Variants in PRTG observed in about 807,000 individuals in gnomAD.
PRTG encodes immunoglobulin superfamily, DCC subclass, member 5.
A neutral mutation model predicts 122.5 loss-of-function variants in PRTG; 67 were observed. That is an observed-to-expected ratio of 0.55 (90% confidence interval 0.45 to 0.67). PRTG has a LOEUF of 0.67. Ranked by LOEUF, PRTG falls within the 30% of genes least tolerant of loss-of-function variation. The pLI, the probability that PRTG is intolerant of heterozygous loss-of-function variation, is 0.00. For synonymous variants in PRTG, 554 were observed against 501.1 expected, an observed-to-expected ratio of 1.11 and a Z score of -1.41; for missense variants, 1,435 against 1,415.4, an observed-to-expected ratio of 1.01 and a Z score of -0.22.
chr15:55,738,302 T>C (rs1208614330), intron 2 of PRTG: 9 of 418,814 alleles, frequency 2.1e-5, no homozygotes, highest in African/African-American at 1.6e-4. Context: ...GTTCTGACAT[T>C]TTGTTTGTTA....
Position 55,680,035 on chromosome 15 carries a change from C to T in PRTG, c.973+19G>A. 1.3e-6 allele frequency: 2 copies of T among 1,595,606 alleles called. No individual in the cohort carries two copies. Among genetic ancestry groups the T allele is most frequent in the Middle Eastern group, 1.7e-4 (1 of 5,980 alleles). ...TTAAAATGTAAGATTCCCCTGATTG[C>T]AGAATGAAAGGAACATACCTAATAC... is the stretch of plus-strand genomic sequence containing the variant. On this transcript the variant is annotated intron_variant, in intron 6 of 19. Coordinates refer to ENST00000389286, the MANE Select transcript of PRTG (RefSeq NM_173814.6).
Position 55,627,067 on chromosome 15 carries a change from G to A in PRTG, c.2868C>T (p.Gly956=). 1 of 1,611,682 alleles carries A rather than the reference G, an allele frequency of 6.2e-7. No homozygotes were observed. ...AGATGAGGATGCAGGTCAAGGCTATGCCAACACCTACAGCAATGCCAGTCA... is the reference window on the plus strand; with the variant it reads ...AGATGAGGATGCAGGTCAAGGCTATACCAACACCTACAGCAATGCCAGTCA... ...KSMTGIAVGV[G]IALTCILICV... Residue 956 remains glycine (G), a synonymous_variant, in exon 17 of 20, where the codon GGC becomes GGT. Coordinates refer to ENST00000389286, the MANE Select transcript of PRTG (RefSeq NM_173814.6).
At chr15:55,678,384 G>C (rs995203596) in intron 7 of PRTG, among the ~76,000 whole-genome samples, 4 of 151,954 alleles carry the variant, frequency 2.6e-5, no homozygotes, top group Non-Finnish European at 5.9e-5. Context: ...TGAGTAGCCG[G>C]GACTCCAGGC....
chr15:55,735,914 A>C (rs1250950639), intron 2 of PRTG, among the ~76,000 whole-genome samples: 7 of 152,146 alleles, frequency 4.6e-5, no homozygotes, highest in Non-Finnish European at 8.8e-5. Context: ...GTCATTCTAA[A>C]AAAGCCTGTA....
intron 16 of PRTG, among the ~76,000 whole-genome samples, chr15:55,627,500 T>G (rs1422192974): frequency 6.7e-6 from 1 of 148,830 alleles, no homozygotes; most frequent in East Asian, 2.0e-4. Context: ...AAGTTTTTTT[T>G]TTTTTTTTTT....
At chr15:55,674,706 G>C (rs942719294) in intron 9 of PRTG, among the ~76,000 whole-genome samples, 4 of 152,216 alleles carry the variant, frequency 2.6e-5, no homozygotes, top group Middle Eastern at 3.4e-3. Flanking sequence ...GGAAAAAAAG[G>C]AGATTTGGAG....
intron 11 of PRTG, among the ~76,000 whole-genome samples, chr15:55,670,025 A>C (rs2059459783): frequency 6.6e-6 from 1 of 152,244 alleles, no homozygotes; most frequent in South Asian, 2.1e-4. Flanking sequence ...TTTAAAACAC[A>C]GGAGAAAATA....
chr15:55,718,909 A>ATT (rs57779298), intron 2 of PRTG, among the ~76,000 whole-genome samples: 19 of 151,126 alleles, frequency 1.3e-4, no homozygotes, highest in Non-Finnish European at 2.5e-4. Flanking sequence ...TGCTCGGCTA[A>ATT]TTTTTTTTTA....
intron 14 of PRTG, among the ~76,000 whole-genome samples, chr15:55,638,248 C>G (rs1457182862): frequency 6.6e-6 from 1 of 152,114 alleles, no homozygotes; most frequent in African/African-American, 2.4e-5. Flanking sequence ...TATTCACTTA[C>G]CGCCATTTAA....
intron 2 of PRTG, among the ~76,000 whole-genome samples, chr15:55,720,313 T>C (rs2030765897): frequency 6.6e-6 from 1 of 151,904 alleles, no homozygotes; most frequent in Non-Finnish European, 1.5e-5. Context: ...GTTGAGATAG[T>C]GCCACTGCAC....
At chr15:55,653,544 A>G (rs924138534) in intron 11 of PRTG, among the ~76,000 whole-genome samples, 2 of 151,596 alleles carry the variant, frequency 1.3e-5, no homozygotes, top group Non-Finnish European at 2.9e-5. Flanking sequence ...GCTCACTGCA[A>G]CCTCTGCCTC....
chr15:55,667,207 GAA>G (rs34815542), intron 11 of PRTG, among the ~76,000 whole-genome samples: 15,307 of 143,874 alleles, frequency 0.11, 745 homozygotes, highest in African/African-American at 0.12. Context: ...AATAATTTAA[GAA>G]AAAAAAAAAA....
At chr15:55,625,060 A>G (rs2059187270) in intron 17 of PRTG, among the ~76,000 whole-genome samples, 1 of 152,232 alleles carries the variant, frequency 6.6e-6, no homozygotes, top group African/African-American at 2.4e-5. Flanking sequence ...AAACATATAA[A>G]CTGAAAAATC....
intron 11 of PRTG, among the ~76,000 whole-genome samples, chr15:55,643,862 T>G (rs1191231417): frequency 6.6e-6 from 1 of 150,796 alleles, no homozygotes; most frequent in Admixed American, 6.6e-5. Context: ...CTAATAATAA[T>G]GATTTTTTTT....
intron 2 of PRTG, among the ~76,000 whole-genome samples, chr15:55,725,474 C>G (rs1358732156): frequency 6.6e-6 from 1 of 151,858 alleles, no homozygotes; most frequent in Non-Finnish European, 1.5e-5. Context: ...CATGTGCCTG[C>G]AGCCCAGCTA....
chr15:55,661,178 G>T (rs1196427999), intron 11 of PRTG, among the ~76,000 whole-genome samples: 13 of 152,098 alleles, frequency 8.5e-5, no homozygotes, highest in Admixed American at 8.5e-4. Context: ...TTTCAAATGG[G>T]AATTTAATTT....
chr15:55,653,542 C>A (rs969439783), intron 11 of PRTG, among the ~76,000 whole-genome samples: 1 of 151,938 alleles, frequency 6.6e-6, no homozygotes, highest in Non-Finnish European at 1.5e-5. Flanking sequence ...CGGCTCACTG[C>A]AACCTCTGCC....
chr15:55,670,601 T>G (rs1288032807), intron 11 of PRTG, among the ~76,000 whole-genome samples: 1 of 152,116 alleles, frequency 6.6e-6, no homozygotes, highest in Non-Finnish European at 1.5e-5. Context: ...TCCTCTTCAT[T>G]TACAAAACTG....
In PRTG at chr15:55,720,245, T is replaced by C. The variant is rs561347897; in HGVS notation, c.397+20137A>G. On this transcript the variant is annotated intron_variant, in intron 2 of 19. Transcript: ENST00000389286. ...AATACAAAGATTTAGCCGGGCTACT[T>C]GGGAGGCTGGGGCAGGGAGAATTGC... Among the ~76,000 whole-genome samples, 9 of 151,650 alleles carry C rather than the reference T, an allele frequency of 5.9e-5. No individual in the cohort carries two copies. The East Asian group carries it at 1.8e-3, about 30-fold the overall frequency.
Sources: gnomAD v4.1 joint callset for allele counts (sites outside exome capture counted in the v4.1 genomes callset) on GRCh38, gnomAD v4.1.1 for gene constraint, MANE v1.5 for transcripts, NCBI Gene and HGNC (gene_info 2026-07-23, HGNC 2026-07-21) for gene names.